Variants in SPAG16 observed in about 807,000 individuals in gnomAD.
The protein encoded by SPAG16 is sperm associated antigen 16.
Under a neutral mutation model 80.4 loss-of-function variants are expected in SPAG16, and 86 were observed. The observed-to-expected ratio is 1.07, with a 90% CI of 0.90 to 1.28. The LOEUF (loss-of-function observed/expected upper bound fraction) is 1.28. Ranked by LOEUF, SPAG16 falls within the 50% of genes most tolerant of loss-of-function variation. The pLI is 0.00. For synonymous variants in SPAG16, 294 were observed against 265.9 expected (o/e 1.11, Z -1.03); for missense variants, 870 against 765.3 (o/e 1.14, Z -1.61).
chr2:213,672,859 G>GTTTTTTTT, intron 10 of SPAG16, among the ~76,000 whole-genome samples: 2 of 124,422 alleles, frequency 1.6e-5, no homozygotes, highest in Non-Finnish European at 3.5e-5. Context: ...TATTTTGTTT[G>GTTTTTTTT]TTTTTTTTTT....
intron 10 of SPAG16, among the ~76,000 whole-genome samples, chr2:213,786,556 T>C (rs2070355676): frequency 6.6e-6 from 1 of 152,164 alleles, no homozygotes; most frequent in South Asian, 2.1e-4. Context: ...TTTTGGACTA[T>C]AAATAAATAA....
At chr2:214,003,897 C>G (rs550015660) in intron 12 of SPAG16, among the ~76,000 whole-genome samples, 1 of 152,280 alleles carries the variant, frequency 6.6e-6, no homozygotes, top group African/African-American at 2.4e-5. Flanking sequence ...CATAGCGCTA[C>G]AGCCAAGGGC....
chr2:213,758,532 C>T (rs2125511421), intron 10 of SPAG16, among the ~76,000 whole-genome samples: 1 of 151,900 alleles, frequency 6.6e-6, no homozygotes. Flanking sequence ...AAATTGGGAG[C>T]TGAAAAGTAC....
At chr2:213,806,616 T>G (rs987520321) in intron 10 of SPAG16, among the ~76,000 whole-genome samples, 4 of 152,148 alleles carry the variant, frequency 2.6e-5, no homozygotes, top group African/African-American at 9.7e-5. Context: ...ATTTATACAT[T>G]AATAATTCCT....
At chr2:213,728,408 G>T (rs568900610) in intron 10 of SPAG16, among the ~76,000 whole-genome samples, 2 of 152,208 alleles carry the variant, frequency 1.3e-5, no homozygotes, top group Admixed American at 6.5e-5. Context: ...TAACTCACAG[G>T]CAAGAACTCA....
At chr2:214,149,591 T>G (rs1008725580) in intron 15 of SPAG16, among the ~76,000 whole-genome samples, 2 of 152,076 alleles carry the variant, frequency 1.3e-5, no homozygotes, top group Admixed American at 6.6e-5. Context: ...AATTCGATTT[T>G]CTAAAGGCAA....
intron 10 of SPAG16, among the ~76,000 whole-genome samples, chr2:213,746,981 T>C (rs2125473414): frequency 6.6e-6 from 1 of 152,268 alleles, no homozygotes; most frequent in East Asian, 1.9e-4. Flanking sequence ...CAGTCTCAGG[T>C]CCTTTAAGAA....
chr2:214,224,325 C>A (rs576937976), intron 15 of SPAG16, among the ~76,000 whole-genome samples: 1 of 151,928 alleles, frequency 6.6e-6, no homozygotes, highest in Non-Finnish European at 1.5e-5. Context: ...TCTTAAAAAT[C>A]AGAACAAAAA....
intron 15 of SPAG16, among the ~76,000 whole-genome samples, chr2:214,211,714 C>T (rs576868291): frequency 1.1e-4 from 16 of 152,296 alleles, no homozygotes; most frequent in African/African-American, 3.6e-4. Flanking sequence ...GTGGTCCAGG[C>T]TTGGATCAAT....
chr2:214,265,832 G>A (rs1237250568), intron 15 of SPAG16, among the ~76,000 whole-genome samples: 1 of 151,876 alleles, frequency 6.6e-6, no homozygotes, highest in Non-Finnish European at 1.5e-5. Context: ...TTAATGTTAA[G>A]TTCTCAAAGG....
At chr2:213,965,273 C>T (rs544581761) in intron 12 of SPAG16, among the ~76,000 whole-genome samples, 254 of 152,238 alleles carry the variant, frequency 1.7e-3, no homozygotes, top group African/African-American at 5.9e-3. Flanking sequence ...ACTCAGAGTC[C>T]CTGGGGTTCA....
intron 12 of SPAG16, among the ~76,000 whole-genome samples, chr2:213,933,101 C>T (rs2078839062): frequency 3.9e-5 from 6 of 152,050 alleles, no homozygotes; most frequent in Admixed American, 3.9e-4. Context: ...CTCCCTGACC[C>T]ATCCACATTT....
At chr2:213,312,486 G>A (rs2063232316) in intron 4 of SPAG16, among the ~76,000 whole-genome samples, 1 of 151,474 alleles carries the variant, frequency 6.6e-6, no homozygotes, top group Non-Finnish European at 1.5e-5. Context: ...TCACCCTAAA[G>A]ATACATTCTT....
At chr2:213,812,333 G>C (rs540514735) in intron 10 of SPAG16, among the ~76,000 whole-genome samples, 42 of 152,214 alleles carry the variant, frequency 2.8e-4, no homozygotes, top group Non-Finnish European at 5.9e-4. Flanking sequence ...TTTTGCAAAT[G>C]AAACCAGAGT....
chr2:213,993,037 C>T (rs2046358075), intron 12 of SPAG16, among the ~76,000 whole-genome samples: 1 of 152,136 alleles, frequency 6.6e-6, no homozygotes. Context: ...AAGTGACAGG[C>T]ACAAACACAA....
chr2:213,861,942 A>G (rs2075484189), intron 10 of SPAG16, among the ~76,000 whole-genome samples: 1 of 152,218 alleles, frequency 6.6e-6, no homozygotes, highest in African/African-American at 2.4e-5. Context: ...AATGTAGGAT[A>G]GAATTTTAGT....
chr2:213,423,087 G>A (rs2069696826), intron 9 of SPAG16, among the ~76,000 whole-genome samples: 1 of 152,182 alleles, frequency 6.6e-6, no homozygotes, highest in Non-Finnish European at 1.5e-5. Flanking sequence ...GGCTACTGTT[G>A]ATATAAACTT....
At chr2:213,553,403 C>T (rs2076843286) in intron 10 of SPAG16, among the ~76,000 whole-genome samples, 1 of 152,132 alleles carries the variant, frequency 6.6e-6, no homozygotes, top group Non-Finnish European at 1.5e-5. Flanking sequence ...TATAGGCTAT[C>T]AGCATGGTTC....
chr2:213,802,753 G>T (rs1225031451), intron 10 of SPAG16, among the ~76,000 whole-genome samples: 1 of 152,020 alleles, frequency 6.6e-6, no homozygotes, highest in Non-Finnish European at 1.5e-5. Context: ...AGTTTAATTT[G>T]TACATTTTTG....
Sources: gnomAD v4.1 joint callset for allele counts (sites outside exome capture counted in the v4.1 genomes callset) on GRCh38, gnomAD v4.1.1 for gene constraint, MANE v1.5 for transcripts, NCBI Gene and HGNC (gene_info 2026-07-23, HGNC 2026-07-21) for gene names.